The following GPR63 variants were observed in gnomAD, a reference collection of about 807,000 sequenced individuals.
GPR63 encodes G protein-coupled receptor 63.
Under a neutral mutation model 23.1 loss-of-function variants are expected in GPR63, and 12 were observed. The observed-to-expected ratio is 0.52, with a 90% CI of 0.33 to 0.84. The LOEUF (loss-of-function observed/expected upper bound fraction) is 0.84, where lower values mean the gene tolerates loss of function less well. Ranked by LOEUF, GPR63 falls within the 40% of genes least tolerant of loss-of-function variation. The pLI, the probability that GPR63 is intolerant of heterozygous loss-of-function variation, is 0.02. For synonymous variants in GPR63, 172 were observed against 191.1 expected, an observed-to-expected ratio of 0.90 and a Z score of 0.82; for missense variants, 472 against 515.6, an observed-to-expected ratio of 0.92 and a Z score of 0.82.
At position 96,816,541 on chromosome 6, in the gene GPR63, A is replaced by ACCT. The variant is rs551782160; in HGVS notation, c.-150-16663_-150-16661dup. 3.1e-3 allele frequency among the ~76,000 whole-genome samples: 477 copies of ACCT among 152,372 alleles called. 2 individuals carry two copies. The highest frequency in any genetic ancestry group is 0.02 in the Middle Eastern group (6 of 294). On this transcript the variant is annotated intron_variant, in intron 1 of 1. Coordinates refer to ENST00000229955, the MANE Select transcript of GPR63 (RefSeq NM_030784.4). ...TCTGAGAGCCACCAAAGCAGGGAGA[A>ACCT]CCTGAGAGGCTACGATCTGAGAGAA...
At chr6:96,830,374 C>T (rs1423114797) in intron 1 of GPR63, among the ~76,000 whole-genome samples, 1 of 152,132 alleles carries the variant, frequency 6.6e-6, no homozygotes, top group Non-Finnish European at 1.5e-5. Context: ...AAAAAATTTA[C>T]CTGTTTAACC....
At chr6:96,807,490 T>C (rs187966947) in intron 1 of GPR63, among the ~76,000 whole-genome samples, 169 of 152,344 alleles carry the variant, frequency 1.1e-3, no homozygotes, top group Middle Eastern at 3.4e-3. Context: ...AATATATCCA[T>C]ATGCTGGATA....
intron 1 of GPR63, among the ~76,000 whole-genome samples, chr6:96,836,152 G>C (rs1477091679): frequency 6.6e-6 from 1 of 152,126 alleles, no homozygotes; most frequent in East Asian, 1.9e-4. Flanking sequence ...CTAGGGGTGT[G>C]AGAAAATGGG....
At chr6:96,801,220 T>TTG in intron 1 of GPR63, among the ~76,000 whole-genome samples, 1 of 151,962 alleles carries the variant, frequency 6.6e-6, no homozygotes, top group East Asian at 1.9e-4. Context: ...ATTTTTTTTT[T>TTG]TTTTTTCCAG....
At chr6:96,809,513 A>G (rs1432048398) in intron 1 of GPR63, among the ~76,000 whole-genome samples, 1 of 152,208 alleles carries the variant, frequency 6.6e-6, no homozygotes, top group Non-Finnish European at 1.5e-5. Context: ...ACAGATAGAT[A>G]TAGATACCAT....
In GPR63 at chr6:96,795,437, G is replaced by A. The variant is rs1773556974; in HGVS notation, c.*3035C>T. The A allele has an allele frequency of 6.6e-6, 1 of 152,144 alleles. No homozygotes were observed. Among genetic ancestry groups the A allele is most frequent in the African/African-American group, 2.4e-5 (1 of 41,422 alleles). The allele number at this position is 152,144 out of a possible 1,614,324, so 9.4% of individuals were successfully genotyped here. ...CTACGTTTCTCAAAGGTGCTCCATA[G>A]TACTTATTTTTAAAGCTTTCACAAT... On this transcript the variant is annotated 3_prime_UTR_variant, in exon 2 of 2. Coordinates refer to ENST00000229955, the MANE Select transcript of GPR63 (RefSeq NM_030784.4).
chr6:96,826,625 T>C (rs1228747448), intron 1 of GPR63, among the ~76,000 whole-genome samples: 7 of 152,008 alleles, frequency 4.6e-5, no homozygotes, highest in African/African-American at 1.4e-4. Flanking sequence ...AGAAATAAAA[T>C]AGTGTCTTTA....
intron 1 of GPR63, among the ~76,000 whole-genome samples, chr6:96,829,596 G>C (rs1446210507): frequency 1.3e-5 from 2 of 152,048 alleles, no homozygotes; most frequent in African/African-American, 4.8e-5. Flanking sequence ...GTTATTCAGG[G>C]GGCTGAGGTG....
chr6:96,810,739 T>C (rs1002658980), intron 1 of GPR63, among the ~76,000 whole-genome samples: 5 of 152,158 alleles, frequency 3.3e-5, no homozygotes, highest in African/African-American at 9.7e-5. Flanking sequence ...CATATGTACA[T>C]AGGTATAGAC....
chr6:96,835,045 C>T (rs1774688732), intron 1 of GPR63, among the ~76,000 whole-genome samples: 1 of 152,138 alleles, frequency 6.6e-6, no homozygotes, highest in South Asian at 2.1e-4. Flanking sequence ...CCTATTGAAG[C>T]TTAAGAAATG....
At chr6:96,814,323 T>C (rs1774111083) in intron 1 of GPR63, among the ~76,000 whole-genome samples, 1 of 152,100 alleles carries the variant, frequency 6.6e-6, no homozygotes, top group African/African-American at 2.4e-5. Context: ...GCCATCATTA[T>C]ATTAGGGGCA....
intron 1 of GPR63, among the ~76,000 whole-genome samples, chr6:96,805,611 T>C (rs930284734): frequency 3.3e-5 from 5 of 152,190 alleles, no homozygotes; most frequent in Admixed American, 2.6e-4. Flanking sequence ...CCATGGTTAT[T>C]CTACCAGTTT....
intron 1 of GPR63, among the ~76,000 whole-genome samples, chr6:96,832,423 C>T (rs1774609443): frequency 7.8e-6 from 1 of 128,316 alleles, no homozygotes; most frequent in Admixed American, 8.9e-5. Flanking sequence ...TGCCACCATA[C>T]CTGACTAACT....
At position 96,802,679 on chromosome 6, in the gene GPR63, A is replaced by C. The variant is rs532871796; in HGVS notation, c.-150-2798T>G. On this transcript the variant is annotated intron_variant, in intron 1 of 1. Transcript: ENST00000229955. ...CTCAGCCTCACGAGTATCTGGGACT[A>C]CAAGCACCTGCCACCATGCCCAGCT... Among the ~76,000 whole-genome samples the C allele has an allele frequency of 5.5e-3, 836 of 151,116 alleles. 16 individuals are homozygous for C. The highest frequency in any genetic ancestry group is 0.02 in the African/African-American group (809 of 41,068).
intron 1 of GPR63, among the ~76,000 whole-genome samples, chr6:96,827,642 G>A (rs886970144): frequency 2.6e-5 from 4 of 151,994 alleles, no homozygotes; most frequent in African/African-American, 9.7e-5. Context: ...GATCTTAGAA[G>A]GAACCAGAGT....
chr6:96,808,400 C>A (rs1017794641), intron 1 of GPR63, among the ~76,000 whole-genome samples: 1 of 152,132 alleles, frequency 6.6e-6, no homozygotes, highest in Admixed American at 6.5e-5. Flanking sequence ...GGTAAAAATA[C>A]AATAAAGCTC....
chr6:96,823,773 T>TA (rs1313545885), intron 1 of GPR63, among the ~76,000 whole-genome samples: 2 of 152,130 alleles, frequency 1.3e-5, no homozygotes, highest in Non-Finnish European at 2.9e-5. Context: ...TTTTACACCA[T>TA]ATTTTTACTG....
At chr6:96,806,635 C>T (rs1292217211) in intron 1 of GPR63, among the ~76,000 whole-genome samples, 1 of 152,118 alleles carries the variant, frequency 6.6e-6, no homozygotes, top group Non-Finnish European at 1.5e-5. Flanking sequence ...ATGAGTGCTC[C>T]ACATAAACTT....
chr6:96,837,338 G>A lies in GPR63; in HGVS notation c.-221C>T, dbSNP rs943139606. 19 of 152,384 alleles carry A rather than the reference G, an allele frequency of 1.2e-4. No individual in the cohort carries two copies. Among genetic ancestry groups the A allele is most frequent in the Non-Finnish European group, 7.3e-5 (5 of 68,168 alleles). The allele number at this position is 152,384 out of a possible 1,614,324, so 9.4% of individuals were successfully genotyped here. A position where few individuals can be genotyped will look rare whatever the true frequency, so the allele number is the denominator to read the frequency against. ...AGCATGGCTCCATGTAGTCCCTCCC[G>A]GAACTTTCCTGACATAGCACTTCTC... On this transcript the variant is annotated 5_prime_UTR_variant, in exon 1 of 2. Coordinates refer to ENST00000229955, the MANE Select transcript of GPR63 (RefSeq NM_030784.4).
Sources: gnomAD v4.1 joint callset for allele counts (sites outside exome capture counted in the v4.1 genomes callset) on GRCh38, gnomAD v4.1.1 for gene constraint, MANE v1.5 for transcripts, NCBI Gene and HGNC (gene_info 2026-07-23, HGNC 2026-07-21) for gene names.